Variants in ABAT observed in about 807,000 individuals in gnomAD.
The protein encoded by ABAT is 4-aminobutyrate aminotransferase, mitochondrial.
A neutral mutation model predicts 64.6 loss-of-function variants in ABAT; 45 were observed. That is an observed-to-expected ratio of 0.70 (90% CI 0.55 to 0.89). ABAT has a LOEUF of 0.89. ABAT is among the 40% of genes least tolerant of loss of function. The probability of loss-of-function intolerance (pLI) is 0.00; values close to 1 mark genes in which losing one functional copy is unlikely to be tolerated. For synonymous variants in ABAT, 297 were observed against 250.5 expected (o/e 1.19, Z -1.75); for missense variants, 633 against 658.4 (o/e 0.96, Z 0.42).
At chr16:8,752,246 G>T (rs919122157) in intron 5 of ABAT, among the ~76,000 whole-genome samples, 2 of 152,218 alleles carry the variant, frequency 1.3e-5, no homozygotes, top group Non-Finnish European at 2.9e-5. Flanking sequence ...CCTCAGCTAT[G>T]GAAGGCATTT....
At chr16:8,692,830 G>A (rs895907375) in intron 1 of ABAT, among the ~76,000 whole-genome samples, 1 of 152,176 alleles carries the variant, frequency 6.6e-6, no homozygotes, top group Non-Finnish European at 1.5e-5. Context: ...ACTTTGCTTG[G>A]CTCAGACCTT....
At chr16:8,757,109 C>G (rs991038080) in intron 5 of ABAT, 2 of 453,816 alleles carry the variant, frequency 4.4e-6, no homozygotes, top group African/African-American at 4.0e-5. Flanking sequence ...GCACTAGGGC[C>G]TGTTGAACCA....
chr16:8,732,792 G>A (rs1326098202), intron 1 of ABAT, among the ~76,000 whole-genome samples: 1 of 150,512 alleles, frequency 6.6e-6, no homozygotes, highest in Admixed American at 6.6e-5. Context: ...TTCCCAGTAG[G>A]GGCGGCCGGG....
chr16:8,711,214 C>CCCCTGCAT (rs2058062927), intron 1 of ABAT, among the ~76,000 whole-genome samples: 1 of 152,150 alleles, frequency 6.6e-6, no homozygotes, highest in Non-Finnish European at 1.5e-5. Flanking sequence ...AGTGCCAGTT[C>CCCCTGCAT]CCCTGCATCG....
intron 2 of ABAT, among the ~76,000 whole-genome samples, chr16:8,743,341 T>G (rs1036796620): frequency 1.1e-4 from 16 of 147,836 alleles, no homozygotes; most frequent in Non-Finnish European, 2.4e-4. Context: ...TGTGTGTGTG[T>G]GTGTGTGTGT....
In ABAT at chr16:8,738,616, G is replaced by GTTTTTTTTTTTTTTTT. The variant is rs772511380; in HGVS notation, c.70+2812_70+2813insTTTTTTTTTTTTTTTT. On this transcript the variant is annotated intron_variant, in intron 2 of 15. Transcript: ENST00000268251. ...TTTTTTCTTTTTTGTTTTTGTTTTTGTTTTTGTTTTTGTTTTTTTTTTGGT... is the reference window on the plus strand; with the variant it reads ...TTTTTTCTTTTTTGTTTTTGTTTTTGTTTTTTTTTTTTTTTTTTTTTGTTTTTGTTTTTTTTTTGGT... Among the ~76,000 whole-genome samples the GTTTTTTTTTTTTTTTT allele has an allele frequency of 6.6e-4, 78 of 117,608 alleles. 5 individuals carry two copies. The highest frequency in any genetic ancestry group is 8.8e-4 in the South Asian group (3 of 3,408). The allele number at this position is 117,608 out of a possible 152,430, so 77.2% of individuals were successfully genotyped here.
At chr16:8,747,704 A>G (rs79131031) in intron 3 of ABAT, among the ~76,000 whole-genome samples, 4,624 of 152,266 alleles carry the variant, frequency 0.03, 217 homozygotes, top group African/African-American at 0.1. Context: ...TTGGATTATA[A>G]TTATAAATGG....
At chr16:8,746,528 G>T (rs187069708) in intron 3 of ABAT, among the ~76,000 whole-genome samples, 4 of 151,544 alleles carry the variant, frequency 2.6e-5, no homozygotes, top group Non-Finnish European at 5.9e-5. Flanking sequence ...TTTTAGGCAC[G>T]CACCACCACG....
rs559922066 is a variant in ABAT, at chr16:8,744,658, G to A, written c.71-1343G>A. Among the ~76,000 whole-genome samples the A allele has an allele frequency of 4.6e-5, 7 of 152,080 alleles. No homozygotes were observed. In the East Asian group the frequency reaches 1.4e-3, roughly 29 times the overall value. Reference sequence around the variant, plus strand: ...GCTGGGATTATAGGTATGAGCCACGGTGCCCAGCCAGCCACACACTTTTAA... The same window carrying A: ...GCTGGGATTATAGGTATGAGCCACGATGCCCAGCCAGCCACACACTTTTAA... On this transcript the variant is annotated intron_variant, in intron 2 of 15. Coordinates refer to ENST00000268251, the MANE Select transcript of ABAT (RefSeq NM_020686.6).
At chr16:8,688,035 C>G (rs115326110) in intron 1 of ABAT, among the ~76,000 whole-genome samples, 468 of 151,964 alleles carry the variant, frequency 3.1e-3, no homozygotes, top group African/African-American at 0.01. Flanking sequence ...GTAGCTGGAA[C>G]TATAGGCCCG....
chr16:8,757,699 G>A, intron 5 of ABAT, 58 bp from the exon 6 acceptor site: 2 of 1,534,832 alleles, frequency 1.3e-6, no homozygotes, highest in Admixed American at 3.3e-5. Flanking sequence ...AGAGGTGGGA[G>A]GGGCATGGGG....
At chr16:8,698,019 A>C (rs900409797) in intron 1 of ABAT, among the ~76,000 whole-genome samples, 1 of 152,236 alleles carries the variant, frequency 6.6e-6, no homozygotes, top group Non-Finnish European at 1.5e-5. Flanking sequence ...CAGTAAAAAT[A>C]TTCATTGAGA....
intron 9 of ABAT, 147 bp from the exon 10 acceptor site, chr16:8,768,045 AC>A (rs1173094755): frequency 1.0e-5 from 8 of 800,520 alleles, no homozygotes; most frequent in Non-Finnish European, 1.7e-5. Context: ...TTGGATATAG[AC>A]CCCATTGGTC....
chr16:8,722,641 A>G, intron 1 of ABAT: 1 of 389,618 alleles, frequency 2.6e-6, no homozygotes, highest in Non-Finnish European at 4.7e-6. Flanking sequence ...AGGGCCAACA[A>G]CCAGCCTGCT....
At chr16:8,733,340 T>C (rs2058810317) in intron 1 of ABAT, among the ~76,000 whole-genome samples, 1 of 150,616 alleles carries the variant, frequency 6.6e-6, no homozygotes, top group Non-Finnish European at 1.5e-5. Context: ...CGCTCCTCAC[T>C]TTCCAGACTG....
rs1170236110 is a variant in ABAT at position 8,776,422 on chromosome 16, C to T, written c.1201C>T (p.Arg401Trp). The T allele has an allele frequency of 2.5e-6, 4 of 1,614,190 alleles. No individual in the cohort carries two copies. The highest frequency in any genetic ancestry group is 4.5e-5 in the East Asian group (2 of 44,882). ...LLAEVINIIK[R>W]EDLLNNAAHA... ...GGCTGAGGTCATCAACATCATCAAG[C>T]GGGAGGACCTGCTAAATAATGCAGC... Residue 401 changes from arginine to tryptophan, a missense_variant, in exon 14 of 16, where the codon CGG becomes TGG. By Grantham distance (101) the Arg-to-Trp change is moderately radical. Coordinates refer to ENST00000268251, the MANE Select transcript of ABAT (RefSeq NM_020686.6). This position sits in a 1 kb window ranked among gnomAD's most constrained non-coding sequence, Gnocchi z 4.4.
chr16:8,678,899 A>T (rs1480096909), intron 1 of ABAT, among the ~76,000 whole-genome samples: 1 of 152,210 alleles, frequency 6.6e-6, no homozygotes, highest in Non-Finnish European at 1.5e-5. Flanking sequence ...AAATGTAAAT[A>T]TGCATGAACA....
chr16:8,684,697 T>C lies in ABAT; in HGVS notation c.-42+9986T>C, dbSNP rs899329358. ...ATAATCATGCCACTGCACTCCAGCG[T>C]GGACAACAGAGTGAGATCCTGTCTC... On this transcript the variant is annotated intron_variant, in intron 1 of 15. Coordinates refer to ENST00000268251, the MANE Select transcript of ABAT (RefSeq NM_020686.6). Among the ~76,000 whole-genome samples the C allele has an allele frequency of 3.0e-3, 416 of 139,010 alleles. 3 individuals carry two copies. The highest frequency in any genetic ancestry group is 0.011 in the African/African-American group (396 of 36,578). 91.2% of individuals were successfully genotyped at this position (139,010 alleles called of 152,430 possible). A position where few individuals can be genotyped will look rare whatever the true frequency, so the allele number is the denominator to read the frequency against.
chr16:8,696,390 A>G (rs1161692793), intron 1 of ABAT, among the ~76,000 whole-genome samples: 4 of 152,180 alleles, frequency 2.6e-5, no homozygotes, highest in African/African-American at 9.7e-5. Context: ...TGGGAGGCTG[A>G]GGCAGACGGA....
Sources: allele counts gnomAD v4.1 joint callset (sites outside exome capture counted in the v4.1 genomes callset), GRCh38; gene constraint gnomAD v4.1.1; non-coding constraint Gnocchi (gnomAD v3.1); transcripts MANE v1.5; gene names NCBI Gene and HGNC (gene_info 2026-07-23, HGNC 2026-07-21).